Variants in ERG observed in about 807,000 individuals in gnomAD.
ERG encodes ETS transcription factor ERG, also known as transcriptional regulator ERG.
ERG carries 9 observed loss-of-function variants against 55.3 expected under a neutral mutation model. The observed-to-expected ratio is 0.16, with a 90% CI of 0.10 to 0.28. ERG has a LOEUF of 0.28. Ranked by LOEUF, ERG falls within the 10% of genes least tolerant of loss-of-function variation. The pLI is 1.00. For synonymous variants in ERG, 223 were observed against 237.3 expected, an observed-to-expected ratio of 0.94 and a Z score of 0.55; for missense variants, 434 against 631.6, an observed-to-expected ratio of 0.69 and a Z score of 3.35.
In ERG at chr21:38,537,439, AAAATAT is replaced by A. The variant is rs768411193; in HGVS notation, c.-41+38217_-41+38222del. Among the ~76,000 whole-genome samples, 855 of 140,548 alleles carry A rather than the reference AAAATAT, an allele frequency of 6.1e-3. 8 individuals carry two copies. The highest frequency in any genetic ancestry group is 0.023 in the African/African-American group (809 of 35,766). 92.2% of individuals were successfully genotyped at this position (140,548 alleles called of 152,430 possible). A position where few individuals can be genotyped will look rare whatever the true frequency, so the allele number is the denominator to read the frequency against. On this transcript the variant is annotated intron_variant, in intron 2 of 8. Transcript: ENST00000398897. ...AATAAGGGATTAATATCCAGAAAAA[AAAATAT>A]ATATATATATGTATATAACCTACAA...
chr21:38,599,076 T>G (rs2060148338), intron 1 of ERG, among the ~76,000 whole-genome samples: 1 of 152,160 alleles, frequency 6.6e-6, no homozygotes, highest in South Asian at 2.1e-4. Flanking sequence ...CCCCTAGGGT[T>G]CTGAGCTACC....
intron 1 of ERG, among the ~76,000 whole-genome samples, chr21:38,487,248 CA>C (rs201511449): frequency 0.013 from 1,952 of 147,998 alleles, 46 homozygotes; most frequent in African/African-American, 0.046. Flanking sequence ...GGAGTAAAGA[CA>C]AAAAAAATCA....
intron 6 of ERG, chr21:38,400,321 C>T: frequency 1.7e-6 from 1 of 599,948 alleles, no homozygotes; most frequent in Non-Finnish European, 3.1e-6. Flanking sequence ...TCCAGGATGC[C>T]TTCTTTGCCC....
At chr21:38,390,951 C>T (rs1987940966) in intron 9 of ERG, 44 bp downstream of exon 9, 1 of 1,552,392 alleles carries the variant, frequency 6.4e-7, no homozygotes, top group Non-Finnish European at 8.9e-7. Context: ...TAACCACTGC[C>T]AAAAAGTAAT....
chr21:38,458,235 C>T (rs988848084), intron 1 of ERG, among the ~76,000 whole-genome samples: 1 of 151,994 alleles, frequency 6.6e-6, no homozygotes, highest in African/African-American at 2.4e-5. Flanking sequence ...ACCAGCCTGG[C>T]CAACATGGTG....
intron 1 of ERG, among the ~76,000 whole-genome samples, chr21:38,651,472 CACT>C (rs2060488405): frequency 6.6e-6 from 1 of 152,196 alleles, no homozygotes; most frequent in South Asian, 2.1e-4. Context: ...TGTAAATATA[CACT>C]ACACAATGGA....
chr21:38,397,703 G>A (rs1438908896), intron 6 of ERG, among the ~76,000 whole-genome samples: 1 of 152,040 alleles, frequency 6.6e-6, no homozygotes, highest in Non-Finnish European at 1.5e-5. Flanking sequence ...AAGGGAAGGA[G>A]GGAAGGGTGG....
At chr21:38,513,565 A>G (rs2059530456) in intron 2 of ERG, among the ~76,000 whole-genome samples, 1 of 152,220 alleles carries the variant, frequency 6.6e-6, no homozygotes, top group African/African-American at 2.4e-5. Flanking sequence ...TTCTGATTAG[A>G]GCACATTTTA....
chr21:38,555,575 A>G (rs1693865714), intron 2 of ERG, among the ~76,000 whole-genome samples: 1 of 152,166 alleles, frequency 6.6e-6, no homozygotes. Flanking sequence ...TTCAGTTAAC[A>G]AGTTTTTATT....
chr21:38,458,933 T>A (rs573051551), intron 1 of ERG, among the ~76,000 whole-genome samples: 1 of 152,188 alleles, frequency 6.6e-6, no homozygotes, highest in Admixed American at 6.6e-5. Flanking sequence ...TGTTACCTAC[T>A]CAAGAGCAGT....
Position 38,558,509 on chromosome 21 carries a change from T to C in ERG, c.-41+17153A>G, listed in dbSNP as rs551306984. On this transcript the variant is annotated intron_variant, in intron 2 of 8. Coordinates refer to the ERG transcript ENST00000398897. ...AAAATTTCTCATCCAAAGTCAAACA[T>C]TAGTGTGTGTGCCTCAAACAAGAAA... is the stretch of plus-strand genomic sequence containing the variant. Among the ~76,000 whole-genome samples the C allele has an allele frequency of 7.2e-5, 11 of 152,324 alleles. 1 individual carries two copies. In the South Asian group the frequency reaches 2.1e-3, roughly 29 times the overall value.
intron 1 of ERG, among the ~76,000 whole-genome samples, chr21:38,595,358 G>A (rs1317795279): frequency 6.6e-6 from 1 of 152,180 alleles, no homozygotes; most frequent in African/African-American, 2.4e-5. Flanking sequence ...GGGTGGAGAT[G>A]AGAAGACATG....
chr21:38,459,909 T>C (rs1003204645), intron 1 of ERG, among the ~76,000 whole-genome samples: 1 of 152,130 alleles, frequency 6.6e-6, no homozygotes, highest in Non-Finnish European at 1.5e-5. Context: ...CAACCAATAA[T>C]TGATAGGGTA....
chr21:38,460,099 T>G lies in ERG; in HGVS notation c.19-14478A>C, dbSNP rs1413661903. Among the ~76,000 whole-genome samples, 1 of 152,124 alleles carries G rather than the reference T, an allele frequency of 6.6e-6. No individual in the cohort carries two copies. Among genetic ancestry groups the G allele is most frequent in the Non-Finnish European group, 1.5e-5 (1 of 68,022 alleles). Reference sequence around the variant, plus strand: ...AAGGAGGGGAGGGTGTGAGCCCCCATGCATTCATGAAGAATAGGCCTTCCA... The same window carrying G: ...AAGGAGGGGAGGGTGTGAGCCCCCAGGCATTCATGAAGAATAGGCCTTCCA... On this transcript the variant is annotated intron_variant, in intron 1 of 9. Coordinates refer to ENST00000288319, the MANE Select transcript of ERG (RefSeq NM_182918.4). This position sits in a 1 kb window ranked among gnomAD's most constrained non-coding sequence, Gnocchi z 5.0.
At chr21:38,656,827 AT>A (rs918100050) in intron 1 of ERG, among the ~76,000 whole-genome samples, 18 of 152,282 alleles carry the variant, frequency 1.2e-4, no homozygotes, top group Non-Finnish European at 4.4e-5. Context: ...AGGGTTTCCT[AT>A]TTTTTAAAAG....
At chr21:38,436,518 C>A (rs1262701389) in intron 2 of ERG, among the ~76,000 whole-genome samples, 11 of 152,080 alleles carry the variant, frequency 7.2e-5, no homozygotes, top group Admixed American at 7.2e-4. Context: ...GAAGAAGAGT[C>A]CAGGCCTGTG....
At chr21:38,368,480 G>A in the ERG span, among the ~76,000 whole-genome samples, 1 of 152,114 alleles carries the variant, frequency 6.6e-6, no homozygotes, top group Non-Finnish European at 1.5e-5. Flanking sequence ...GTTGATGAAT[G>A]CTCATGAAAA....
chr21:38,415,009 A>G (rs756893973), intron 3 of ERG, among the ~76,000 whole-genome samples: 26 of 152,154 alleles, frequency 1.7e-4, no homozygotes, highest in Non-Finnish European at 3.4e-4. Context: ...TCCTTTGTTT[A>G]CTTAAGTCTT....
chr21:38,582,105 G>T (rs113802211), intron 1 of ERG, among the ~76,000 whole-genome samples: 9,090 of 150,092 alleles, frequency 0.061, 938 homozygotes, highest in African/African-American at 0.21. Context: ...TCCAGACCTT[G>T]CCCTGTGCAC....
Sources: allele counts gnomAD v4.1 joint callset (sites outside exome capture counted in the v4.1 genomes callset), GRCh38; gene constraint gnomAD v4.1.1; non-coding constraint Gnocchi (gnomAD v3.1); transcripts MANE v1.5; gene names NCBI Gene and HGNC (gene_info 2026-07-23, HGNC 2026-07-21).